Variants in SIMC1 observed in about 807,000 individuals in gnomAD.
SIMC1 encodes SUMO-interacting motif-containing protein 1.
Under a neutral mutation model 82.3 loss-of-function variants are expected in SIMC1, and 55 were observed. The observed-to-expected ratio is 0.67, with a 90% CI of 0.54 to 0.84. The LOEUF is 0.84. Among genes scored for constraint, SIMC1 ranks in the 40% least tolerant of loss-of-function variants. The pLI, the probability that SIMC1 is intolerant of heterozygous loss-of-function variation, is 0.00. For missense variants in SIMC1, 915 were observed against 1,107.2 expected (o/e 0.83, Z 2.46); for synonymous variants, 353 against 426.3 (o/e 0.83, Z 2.12).
intron 4 of SIMC1, among the ~76,000 whole-genome samples, chr5:176,304,078 C>G (rs754153080): frequency 6.6e-6 from 1 of 152,148 alleles, no homozygotes; most frequent in South Asian, 2.1e-4. Context: ...TTCAGAACTT[C>G]TGTGCATCAA....
At chr5:176,275,823 C>A (rs1257175079) in intron 1 of SIMC1, among the ~76,000 whole-genome samples, 9 of 151,574 alleles carry the variant, frequency 5.9e-5, no homozygotes, top group Non-Finnish European at 1.0e-4. Context: ...GGATGAAGCC[C>A]ACTTGATCAT....
chr5:176,308,497 TGGATCAAGGCTTTGTA>T (rs1454050743), intron 4 of SIMC1: 1 of 1,607,528 alleles, frequency 6.2e-7, no homozygotes, highest in Non-Finnish European at 8.5e-7. Flanking sequence ...TACCAGATGA[TGGATCAAGGCTTTGTA>T]GGACTTATTT....
chr5:176,323,260 A>G (rs1765239937), intron 6 of SIMC1, among the ~76,000 whole-genome samples: 1 of 152,204 alleles, frequency 6.6e-6, no homozygotes, highest in African/African-American at 2.4e-5. Flanking sequence ...GAAGGCCCTA[A>G]AGTAGCATTC....
At chr5:176,246,174 T>G (rs1015782172) in intron 1 of SIMC1, among the ~76,000 whole-genome samples, 1 of 151,384 alleles carries the variant, frequency 6.6e-6, no homozygotes, top group African/African-American at 2.4e-5. Flanking sequence ...TACACCTGGC[T>G]AATTTTTTTG....
chr5:176,250,434 T>A (rs950962621), intron 1 of SIMC1, among the ~76,000 whole-genome samples: 3 of 152,216 alleles, frequency 2.0e-5, no homozygotes, highest in Middle Eastern at 3.2e-3. Flanking sequence ...GAATGTATAT[T>A]CTGTTGATTT....
intron 6 of SIMC1, among the ~76,000 whole-genome samples, chr5:176,324,335 C>A (rs1765285084): frequency 6.6e-6 from 1 of 152,090 alleles, no homozygotes; most frequent in Non-Finnish European, 1.5e-5. Flanking sequence ...TTCCCTATAT[C>A]CTTAAGGTTG....
intron 1 of SIMC1, among the ~76,000 whole-genome samples, chr5:176,282,141 G>A (rs1257652862): frequency 3.3e-5 from 5 of 152,242 alleles, no homozygotes; most frequent in African/African-American, 4.8e-5. Context: ...AATGGCGGGC[G>A]CCCCTCCTGC....
At chr5:176,301,801 T>G (rs534278274) in intron 4 of SIMC1, among the ~76,000 whole-genome samples, 27 of 144,626 alleles carry the variant, frequency 1.9e-4, no homozygotes, top group South Asian at 4.4e-4. Flanking sequence ...AAAGGAAAAG[T>G]AAAAAACTAC....
At chr5:176,277,717 A>G (rs1293171481) in intron 1 of SIMC1, among the ~76,000 whole-genome samples, 4 of 151,950 alleles carry the variant, frequency 2.6e-5, no homozygotes, top group Admixed American at 6.6e-5. Context: ...TCCTTTCCCC[A>G]TTGCTTGTTT....
At chr5:176,307,104 A>G (rs898555183) in intron 4 of SIMC1, among the ~76,000 whole-genome samples, 12 of 152,280 alleles carry the variant, frequency 7.9e-5, no homozygotes, top group South Asian at 2.1e-4. Flanking sequence ...CCACAATGCA[A>G]TGTCACCTCA....
intron 1 of SIMC1, among the ~76,000 whole-genome samples, chr5:176,247,608 T>C (rs1761492646): frequency 6.6e-6 from 1 of 152,152 alleles, no homozygotes; most frequent in South Asian, 2.1e-4. Flanking sequence ...AGCTCTTTGG[T>C]TTAATCAGAT....
At chr5:176,273,110 T>C (rs1762518755) in intron 1 of SIMC1, among the ~76,000 whole-genome samples, 1 of 152,202 alleles carries the variant, frequency 6.6e-6, no homozygotes, top group East Asian at 1.9e-4. Flanking sequence ...GAGTTTGAGA[T>C]CTGAGAACGG....
chr5:176,304,989 G>T, intron 4 of SIMC1, among the ~76,000 whole-genome samples: 1 of 128,238 alleles, frequency 7.8e-6, no homozygotes, highest in East Asian at 2.6e-4. Flanking sequence ...CCTCCGCCCG[G>T]CAGCTGCCCC....
At position 176,345,551 on chromosome 5, in the gene SIMC1, C is replaced by A; in HGVS notation, c.*106C>A. 1 of 1,278,160 alleles carries A rather than the reference C, an allele frequency of 7.8e-7. No homozygotes were observed. The highest frequency in any genetic ancestry group is 1.1e-6 in the Non-Finnish European group (1 of 946,418). The allele number at this position is 1,278,160 out of a possible 1,614,324, so 79.2% of individuals were successfully genotyped here. A position where few individuals can be genotyped will look rare whatever the true frequency, so the allele number is the denominator to read the frequency against. On this transcript the variant is annotated 3_prime_UTR_variant, in exon 10 of 10. Coordinates refer to ENST00000429602, the MANE Select transcript of SIMC1 (RefSeq NM_001308195.2). Reference sequence around the variant, plus strand: ...TGGTTAAAATCTTACAGGACCAAACCTGCATTATTTAATCAGTAGGTTGTA... The same window carrying A: ...TGGTTAAAATCTTACAGGACCAAACATGCATTATTTAATCAGTAGGTTGTA...
chr5:176,287,568 A>G (rs1299812010), intron 1 of SIMC1, among the ~76,000 whole-genome samples: 2 of 152,198 alleles, frequency 1.3e-5, no homozygotes, highest in African/African-American at 2.4e-5. Flanking sequence ...AACATCGCAC[A>G]TGTACACATA....
At chr5:176,269,275 T>G (rs1208064832) in intron 1 of SIMC1, among the ~76,000 whole-genome samples, 1 of 151,684 alleles carries the variant, frequency 6.6e-6, no homozygotes, top group Non-Finnish European at 1.5e-5. Flanking sequence ...TTGATAAATA[T>G]CTAGCTAGAT....
In SIMC1 at chr5:176,284,852, A is replaced by C. The variant is rs200832766; in HGVS notation, c.130-4802A>C. 5.6e-3 allele frequency among the ~76,000 whole-genome samples: 854 copies of C among 152,368 alleles called. 42 individuals carry two copies. In the East Asian group the frequency reaches 0.13, roughly 23 times the overall value. On this transcript the variant is annotated intron_variant, in intron 1 of 9. Coordinates refer to ENST00000429602, the MANE Select transcript of SIMC1 (RefSeq NM_001308195.2). ...ATGCAAATAAACTAGAAAATCTAGAAGAAATGGATAAATTCCTGGACACAT... is the reference window on the plus strand; with the variant it reads ...ATGCAAATAAACTAGAAAATCTAGACGAAATGGATAAATTCCTGGACACAT...
chr5:176,342,296 G>A (rs1766184314), intron 9 of SIMC1, among the ~76,000 whole-genome samples: 1 of 152,040 alleles, frequency 6.6e-6, no homozygotes, highest in Admixed American at 6.6e-5. Flanking sequence ...TAGATACCCT[G>A]TTTGCTCTCA....
chr5:176,280,717 A>G (rs957947311), intron 1 of SIMC1, among the ~76,000 whole-genome samples: 4 of 152,002 alleles, frequency 2.6e-5, no homozygotes, highest in Non-Finnish European at 5.9e-5. Context: ...CTGGATATGA[A>G]ATTCTGGGTT....
Sources: allele counts gnomAD v4.1 joint callset (sites outside exome capture counted in the v4.1 genomes callset), GRCh38; gene constraint gnomAD v4.1.1; transcripts MANE v1.5; gene names NCBI Gene and HGNC (gene_info 2026-07-23, HGNC 2026-07-21).